The following DDX60L variants were observed in gnomAD, a reference collection of about 807,000 sequenced individuals.
The protein encoded by DDX60L is DExD/H-box 60 like.
DDX60L carries 191 observed loss-of-function variants against 211.6 expected under a neutral mutation model. The ratio of observed to expected loss-of-function variants is 0.90; its 90% CI spans 0.80 to 1.02. DDX60L has a LOEUF of 1.02. Ranked by LOEUF, DDX60L falls within the 50% of genes least tolerant of loss-of-function variation. The pLI, the probability that DDX60L is intolerant of heterozygous loss-of-function variation, is 0.00. For synonymous variants in DDX60L, 706 were observed against 694.1 expected (o/e 1.02, Z -0.27); for missense variants, 2,007 against 1,984.1 (o/e 1.01, Z -0.22).
chr4:168,388,987 T>A (rs1744354056), intron 29 of DDX60L, among the ~76,000 whole-genome samples: 1 of 152,138 alleles, frequency 6.6e-6, no homozygotes. Context: ...TGGGAGGCAG[T>A]GAATGTGTTT....
In DDX60L at chr4:168,472,685, T is replaced by C. The variant is rs899698666; in HGVS notation, c.4+11A>G. 4 of 1,613,408 alleles carry C rather than the reference T, an allele frequency of 2.5e-6. No homozygotes were observed. Among genetic ancestry groups the C allele is most frequent in the Admixed American group, 1.7e-5 (1 of 59,962 alleles). On this transcript the variant is annotated intron_variant, in intron 2 of 37. Transcript: ENST00000682922. ...CTTTATAGGCTACAAATATCAAAGA[T>C]TGAGAATTACCCATCGTTGCTGCTT...
rs755349050 is a variant in DDX60L at position 168,427,206 on chromosome 4, CT to C, written c.1793del (p.Lys598ArgfsTer8). 6.2e-7 allele frequency: 1 copy of C among 1,613,308 alleles called. No individual in the cohort carries two copies. Among genetic ancestry groups the C allele is most frequent in the African/African-American group, 1.3e-5 (1 of 74,902 alleles). On this transcript the variant is annotated frameshift_variant, in exon 14 of 38. Coordinates refer to ENST00000682922, the MANE Select transcript of DDX60L (RefSeq NM_001012967.3). LOFTEE classifies it high-confidence loss of function. ...DLLFSIEEEM[K>X]NNLHSGIRKL... is the part of the protein sequence containing the mutation. The stretch of plus-strand genomic sequence containing the variant: ...TCCTTATTCCAGAATGTAAATTGTT[CT>C]TCATCTCCTCTTCAATAGAAAACAG...
In DDX60L at chr4:168,391,607, T is replaced by C. The variant is rs560079475; in HGVS notation, c.3848A>G (p.His1283Arg). Residue 1283 changes from histidine (H) to arginine (R), a missense_variant, in exon 29 of 38, where the codon CAC (histidine) becomes CGC (arginine). His to Arg is a conservative substitution (Grantham distance 29, BLOSUM62 0). Transcript: ENST00000682922. ...TATETLALGI[H>R]MPCKSVVFAQ... ...AAAAACAACAGATTTGCATGGCATGTGGATCCCTAAGGCAAGTGTTTCAGT... is the reference window on the plus strand; with the variant it reads ...AAAAACAACAGATTTGCATGGCATGCGGATCCCTAAGGCAAGTGTTTCAGT... The C allele has an allele frequency of 6.3e-7, 1 of 1,595,714 alleles. No homozygotes were observed. Among genetic ancestry groups the C allele is most frequent in the African/African-American group, 1.4e-5 (1 of 73,484 alleles).
intron 14 of DDX60L, among the ~76,000 whole-genome samples, chr4:168,424,369 T>A (rs1055750244): frequency 1.3e-5 from 2 of 152,198 alleles, no homozygotes; most frequent in African/African-American, 4.8e-5. Flanking sequence ...TTTATCTCTA[T>A]CCCACTACTA....
intron 26 of DDX60L, among the ~76,000 whole-genome samples, chr4:168,397,958 G>T (rs1746113463): frequency 6.6e-6 from 1 of 152,094 alleles, no homozygotes; most frequent in South Asian, 2.1e-4. Context: ...GCAGGCAGGA[G>T]CCCCGCCCTT....
intron 17 of DDX60L, among the ~76,000 whole-genome samples, chr4:168,421,466 C>T (rs959135926): frequency 7.9e-5 from 12 of 152,152 alleles, no homozygotes; most frequent in Admixed American, 5.2e-4. Context: ...ACCAGCCTAG[C>T]CAACATGGTG....
chr4:168,470,201 T>C (rs1308246875), intron 4 of DDX60L: 2 of 152,144 alleles, frequency 1.3e-5, no homozygotes, highest in Non-Finnish European at 2.9e-5. Flanking sequence ...ACCAGAACTG[T>C]TATTCATTGC....
At chr4:168,374,198 T>C (rs1427850844) in intron 34 of DDX60L, among the ~76,000 whole-genome samples, 1 of 151,954 alleles carries the variant, frequency 6.6e-6, no homozygotes, top group Non-Finnish European at 1.5e-5. Context: ...CACTCAGGTC[T>C]GGCTCGTTTT....
At chr4:168,401,693 T>G (rs565132105) in intron 25 of DDX60L, among the ~76,000 whole-genome samples, 1 of 152,322 alleles carries the variant, frequency 6.6e-6, no homozygotes, top group South Asian at 2.1e-4. Context: ...AATATAACAC[T>G]CATTCTAGGC....
chr4:168,379,078 C>T (rs997929875), intron 32 of DDX60L, among the ~76,000 whole-genome samples: 1 of 152,156 alleles, frequency 6.6e-6, no homozygotes, highest in Non-Finnish European at 1.5e-5. Context: ...AATCATATGA[C>T]CATCAGAAAC....
chr4:168,473,007 A>G (rs752237790), intron 1 of DDX60L, among the ~76,000 whole-genome samples, 198 bp from the exon 2 acceptor site: 3 of 152,248 alleles, frequency 2.0e-5, no homozygotes, highest in African/African-American at 7.2e-5. Context: ...GAATTAATGC[A>G]TGAACTGAGA....
In DDX60L at chr4:168,404,092, C is replaced by T; in HGVS notation, c.3228G>A (p.Leu1076=). 1 of 1,385,544 alleles carries T rather than the reference C, an allele frequency of 7.2e-7. No individual in the cohort carries two copies. The highest frequency in any genetic ancestry group is 9.5e-7 in the Non-Finnish European group (1 of 1,055,304). 85.8% of individuals were successfully genotyped at this position (1,385,544 alleles called of 1,614,324 possible). ...ACAATGAATCCGGACTAAGGTTCTT[C>T]AGTACTCTTTTGACCTACAACAGTA... ...NGQVKKVKRV[L]KNLSPDSLSS... is the part of the protein sequence containing the mutation. The change falls in exon 25 of 38, where the codon CTG becomes CTA. Residue 1076 remains leucine (L), a synonymous_variant. Coordinates refer to ENST00000682922, the MANE Select transcript of DDX60L (RefSeq NM_001012967.3).
chr4:168,422,676 A>T lies in DDX60L; in HGVS notation c.2098-6T>A. ...TTATTTTTGTCATCTCCTATCTGTT[A>T]TTTTAATATATTATTTGAAATCAAC... On this transcript the variant is annotated splice_polypyrimidine_tract_variant and splice_region_variant and intron_variant, in intron 15 of 37. Transcript: ENST00000682922. 1.3e-6 allele frequency: 2 copies of T among 1,538,126 alleles called. No homozygotes were observed. The highest frequency in any genetic ancestry group is 1.8e-6 in the Non-Finnish European group (2 of 1,137,416).
At chr4:168,460,185 G>T (rs973843485) in intron 5 of DDX60L, among the ~76,000 whole-genome samples, 3 of 152,070 alleles carry the variant, frequency 2.0e-5, no homozygotes, top group Non-Finnish European at 4.4e-5. Context: ...GTGAAAACTG[G>T]AACAAGACTA....
chr4:168,449,631 T>C (rs1284369600), intron 8 of DDX60L, among the ~76,000 whole-genome samples: 1 of 9,134 alleles, frequency 1.1e-4, no homozygotes, highest in Admixed American at 1.4e-3. Flanking sequence ...AAAAAAAACA[T>C]TAAAACAAAA....
chr4:168,434,574 G>A (rs1354868378), intron 10 of DDX60L, among the ~76,000 whole-genome samples: 1 of 152,244 alleles, frequency 6.6e-6, no homozygotes, highest in Non-Finnish European at 1.5e-5. Flanking sequence ...CAATCCTGGG[G>A]TGGCAGGGGC....
intron 3 of DDX60L, 75 bp downstream of exon 3, chr4:168,472,380 T>C: frequency 6.3e-6 from 7 of 1,107,912 alleles, no homozygotes; most frequent in African/African-American, 1.6e-5. Context: ...TGTATATGTA[T>C]ATGGGTTAAG....
intron 29 of DDX60L, chr4:168,390,571 CA>C: frequency 9.7e-7 from 1 of 1,029,478 alleles, no homozygotes; most frequent in Non-Finnish European, 1.4e-6. Flanking sequence ...CAAGAATAAG[CA>C]AAATGATAAA....
chr4:168,376,343 A>T (rs1445068749), intron 33 of DDX60L, among the ~76,000 whole-genome samples: 1 of 152,252 alleles, frequency 6.6e-6, no homozygotes, highest in Non-Finnish European at 1.5e-5. Context: ...AAGAAAAACA[A>T]GAAAGAGACT....
Sources: gnomAD v4.1 joint callset for allele counts (sites outside exome capture counted in the v4.1 genomes callset) on GRCh38, gnomAD v4.1.1 for gene constraint, MANE v1.5 for transcripts, NCBI Gene and HGNC (gene_info 2026-07-23, HGNC 2026-07-21) for gene names.